Variants in NKAIN2 observed in about 807,000 individuals in gnomAD.
NKAIN2 encodes sodium/potassium transporting ATPase interacting 2, also known as sodium/potassium-transporting ATPase subunit beta-1-interacting protein 2.
Under a neutral mutation model 32.6 loss-of-function variants are expected in NKAIN2, and 14 were observed. That is an observed-to-expected ratio of 0.43 (90% CI 0.28 to 0.67). NKAIN2 has a LOEUF of 0.67. Ranked by LOEUF, NKAIN2 falls within the 30% of genes least tolerant of loss-of-function variation. The pLI, the probability that NKAIN2 is intolerant of heterozygous loss-of-function variation, is 0.17. For missense variants in NKAIN2, 198 were observed against 258.3 expected (o/e 0.77, Z 1.60); for synonymous variants, 80 against 87.2 (o/e 0.92, Z 0.46).
At chr6:124,413,863 T>C (rs1241587770) in intron 3 of NKAIN2, among the ~76,000 whole-genome samples, 2 of 152,294 alleles carry the variant, frequency 1.3e-5, no homozygotes, top group Non-Finnish European at 2.9e-5. Context: ...ATTCAGCTGA[T>C]TTTTATATTG....
intron 3 of NKAIN2, among the ~76,000 whole-genome samples, chr6:124,474,062 C>A (rs953320774): frequency 6.6e-6 from 1 of 151,904 alleles, no homozygotes; most frequent in African/African-American, 2.4e-5. Flanking sequence ...GAAGCCAAAG[C>A]ACAATGTCAG....
intron 3 of NKAIN2, among the ~76,000 whole-genome samples, chr6:124,497,530 G>A: frequency 6.6e-6 from 1 of 151,948 alleles, no homozygotes; most frequent in Non-Finnish European, 1.5e-5. Flanking sequence ...TTAATGTCTG[G>A]CACTTTTTTT....
At chr6:124,720,056 T>A (rs1303201312) in intron 4 of NKAIN2, among the ~76,000 whole-genome samples, 8 of 145,580 alleles carry the variant, frequency 5.5e-5, no homozygotes, top group Non-Finnish European at 1.2e-4. Context: ...AGGACTGAAT[T>A]TTTTTTTCCT....
intron 1 of NKAIN2, among the ~76,000 whole-genome samples, chr6:124,044,210 T>C (rs1160411595): frequency 6.6e-6 from 1 of 152,062 alleles, no homozygotes; most frequent in Non-Finnish European, 1.5e-5. Context: ...ATGGTCCAAG[T>C]ATTTTTTAAT....
chr6:123,998,756 T>C (rs1462952552), intron 1 of NKAIN2, among the ~76,000 whole-genome samples: 3 of 148,334 alleles, frequency 2.0e-5, no homozygotes, highest in Non-Finnish European at 1.5e-5. Context: ...TGTGTGTGTG[T>C]GTGTGTGTGT....
chr6:124,553,348 C>G (rs1019406152), intron 3 of NKAIN2, among the ~76,000 whole-genome samples: 1 of 152,164 alleles, frequency 6.6e-6, no homozygotes, highest in East Asian at 1.9e-4. Context: ...GCTCTTGTTG[C>G]TCAGGCTGGA....
At chr6:124,113,140 T>C (rs116679217) in intron 1 of NKAIN2, among the ~76,000 whole-genome samples, 1,543 of 152,210 alleles carry the variant, frequency 0.01, 34 homozygotes, top group African/African-American at 0.035. Flanking sequence ...TATCAGTCTT[T>C]ACTGACTTGA....
Position 124,516,842 on chromosome 6 carries a change from C to G in NKAIN2, c.274-141344C>G, listed in dbSNP as rs972745983. Among the ~76,000 whole-genome samples, 8 of 152,138 alleles carry G rather than the reference C, an allele frequency of 5.3e-5. No homozygotes were observed. The East Asian group carries it at 1.5e-3, about 29-fold the overall frequency. Reference sequence around the variant, plus strand: ...TCTATGCAGCTTTTTACTAAAATCTCAAAGTTGCATGGGGGCTTTACTCCT... The same window carrying G: ...TCTATGCAGCTTTTTACTAAAATCTGAAAGTTGCATGGGGGCTTTACTCCT... On this transcript the variant is annotated intron_variant, in intron 3 of 6. Transcript: ENST00000368417.
chr6:124,146,706 T>C (rs967380760), intron 1 of NKAIN2, among the ~76,000 whole-genome samples: 2 of 152,216 alleles, frequency 1.3e-5, no homozygotes, highest in Non-Finnish European at 2.9e-5. Flanking sequence ...CATATCTACA[T>C]GGATGAATCC....
intron 2 of NKAIN2, among the ~76,000 whole-genome samples, chr6:124,310,141 A>C (rs919686770): frequency 6.6e-6 from 1 of 152,186 alleles, no homozygotes; most frequent in African/African-American, 2.4e-5. Context: ...AGATCAAACC[A>C]CGAAGAAAAA....
chr6:124,570,179 AC>A (rs1484371931), intron 3 of NKAIN2, among the ~76,000 whole-genome samples: 1 of 152,220 alleles, frequency 6.6e-6, no homozygotes, highest in Admixed American at 6.5e-5. Context: ...TCAAAAGCTG[AC>A]TTGGGTGCTG....
At chr6:124,059,594 G>A (rs1782829239) in intron 1 of NKAIN2, among the ~76,000 whole-genome samples, 1 of 152,140 alleles carries the variant, frequency 6.6e-6, no homozygotes, top group Admixed American at 6.6e-5. Flanking sequence ...CTGGCACAGA[G>A]TGGATATTCA....
chr6:124,484,755 A>G (rs1260137207), intron 3 of NKAIN2, among the ~76,000 whole-genome samples: 1 of 152,164 alleles, frequency 6.6e-6, no homozygotes, highest in Non-Finnish European at 1.5e-5. Flanking sequence ...CCATAAATAC[A>G]TACTTGTAAA....
chr6:124,421,881 G>C (rs1172482552), intron 3 of NKAIN2, among the ~76,000 whole-genome samples: 1 of 152,146 alleles, frequency 6.6e-6, no homozygotes, highest in Non-Finnish European at 1.5e-5. Context: ...AGGAAGAAAG[G>C]GAGAGGTCAG....
chr6:123,991,950 T>A (rs530598113), intron 1 of NKAIN2, among the ~76,000 whole-genome samples: 1 of 152,252 alleles, frequency 6.6e-6, no homozygotes, highest in South Asian at 2.1e-4. Context: ...CATTTTCTTC[T>A]ATAGGTTGGC....
At chr6:124,465,245 A>G (rs1776697817) in intron 3 of NKAIN2, among the ~76,000 whole-genome samples, 1 of 152,014 alleles carries the variant, frequency 6.6e-6, no homozygotes, top group African/African-American at 2.4e-5. Flanking sequence ...ATGCCGATCA[A>G]TGGTAGACTG....
intron 5 of NKAIN2, among the ~76,000 whole-genome samples, chr6:124,800,149 A>G (rs1780184004): frequency 6.6e-6 from 1 of 152,202 alleles, no homozygotes; most frequent in African/African-American, 2.4e-5. Context: ...ATTCAAAGTT[A>G]GTCTCTTGAC....
intron 3 of NKAIN2, among the ~76,000 whole-genome samples, chr6:124,619,628 T>C (rs1021859698): frequency 6.6e-6 from 1 of 152,170 alleles, no homozygotes; most frequent in Non-Finnish European, 1.5e-5. Context: ...GCCACTACTC[T>C]GGTGATGACA....
At chr6:124,125,255 G>C (rs1424477629) in intron 1 of NKAIN2, among the ~76,000 whole-genome samples, 1 of 152,090 alleles carries the variant, frequency 6.6e-6, no homozygotes, top group East Asian at 1.9e-4. Flanking sequence ...GTCTCTGGGG[G>C]CTTGCATGTA....
Sources: allele counts gnomAD v4.1 joint callset (sites outside exome capture counted in the v4.1 genomes callset), GRCh38; gene constraint gnomAD v4.1.1; transcripts MANE v1.5; gene names NCBI Gene and HGNC (gene_info 2026-07-23, HGNC 2026-07-21).